The following KCNQ1 variants were observed in gnomAD, a reference collection of about 807,000 sequenced individuals.
KCNQ1 encodes potassium voltage-gated channel subfamily Q member 1.
Under a neutral mutation model 72.4 loss-of-function variants are expected in KCNQ1, and 49 were observed. The observed-to-expected ratio is 0.68, with a 90% CI of 0.54 to 0.86. The LOEUF is 0.86. Among genes scored for constraint, KCNQ1 ranks in the 40% least tolerant of loss-of-function variants. The pLI, the probability that KCNQ1 is intolerant of heterozygous loss-of-function variation, is 0.00. For missense variants in KCNQ1, 790 were observed against 945.1 expected, an observed-to-expected ratio of 0.84 and a Z score of 2.15; for synonymous variants, 450 against 412.6, an observed-to-expected ratio of 1.09 and a Z score of -1.10.
At chr11:2,706,120 G>T (rs529018675) in intron 11 of KCNQ1, among the ~76,000 whole-genome samples, 32 of 152,338 alleles carry the variant, frequency 2.1e-4, no homozygotes, top group African/African-American at 7.2e-4. Flanking sequence ...TGTCTACAAG[G>T]CCTTTGACAA....
At position 2,669,694 on chromosome 11, in the gene KCNQ1, T is replaced by G. The variant is rs1288513857; in HGVS notation, c.1514+7613T>G. On this transcript the variant is annotated intron_variant, in intron 11 of 15. Transcript: ENST00000155840. The surrounding 1 kb of genome is among the most constrained non-coding windows in gnomAD (Gnocchi z 5.6). ...AGTGTAAGGCCTTGAGGAGATGGTG[T>G]TAGGCATCCAGCCACATACCTGACT... The G allele has an allele frequency of 7.5e-6, 3 of 398,642 alleles. No homozygotes were observed. Among genetic ancestry groups the G allele is most frequent in the Non-Finnish European group, 8.8e-6 (2 of 226,080 alleles). 24.7% of individuals were successfully genotyped at this position (398,642 alleles called of 1,614,324 possible). A position where few individuals can be genotyped will look rare whatever the true frequency, so the allele number is the denominator to read the frequency against.
rs529091191 is a variant in KCNQ1, at chr11:2,743,573, A to T, written c.1515-25271A>T. ...GGGAAGGGAAGGGGCTCGAATCCCT[A>T]CGCCAGTCCCTGCATGGCCCTATGG... On this transcript the variant is annotated intron_variant, in intron 11 of 15. Coordinates refer to ENST00000155840, the MANE Select transcript of KCNQ1 (RefSeq NM_000218.3). 2.0e-5 allele frequency among the ~76,000 whole-genome samples: 3 copies of T among 152,212 alleles called. No individual in the cohort carries two copies. The South Asian group carries it at 6.2e-4, about 32-fold the overall frequency.
In KCNQ1 at chr11:2,654,929, A is replaced by G. The variant is rs1321493851; in HGVS notation, c.1394-7032A>G. On this transcript the variant is annotated intron_variant, in intron 10 of 15. Transcript: ENST00000155840. This position sits in a 1 kb window ranked among gnomAD's most constrained non-coding sequence, Gnocchi z 6.4. ...TCGTGGGCCAGAGAGCAAGGCACAG[A>G]TACAGGAGACTTCCACAAATTATTG... The G allele has an allele frequency of 5.0e-6, 2 of 398,524 alleles. No homozygotes were observed. Among genetic ancestry groups the G allele is most frequent in the Non-Finnish European group, 8.8e-6 (2 of 226,084 alleles). 24.7% of individuals were successfully genotyped at this position (398,524 alleles called of 1,614,324 possible). A position where few individuals can be genotyped will look rare whatever the true frequency, so the allele number is the denominator to read the frequency against.
rs1302426434 is a variant in KCNQ1 at position 2,579,326 on chromosome 11, G to A, written c.922-4109G>A. On this transcript the variant is annotated intron_variant, in intron 6 of 15. Transcript: ENST00000155840. The surrounding 1 kb of genome is among the most constrained non-coding windows in gnomAD (Gnocchi z 6.0). ...GAGTGAAGGCACAGGCCAGCAGGAG[G>A]GCGGGGGAAACACACTGACCAGTGG... Among the ~76,000 whole-genome samples, 9 of 152,218 alleles carry A rather than the reference G, an allele frequency of 5.9e-5. No individual in the cohort carries two copies. In the South Asian group the frequency reaches 1.7e-3, roughly 28 times the overall value.
At chr11:2,587,259 C>T (rs1848604902) in intron 8 of KCNQ1, among the ~76,000 whole-genome samples, 1 of 152,220 alleles carries the variant, frequency 6.6e-6, no homozygotes, top group Non-Finnish European at 1.5e-5. Context: ...ACCTGCCCAC[C>T]TTTGCAAGTC....
At chr11:2,694,829 C>T in intron 11 of KCNQ1, 1 of 398,588 alleles carries the variant, frequency 2.5e-6, no homozygotes. Flanking sequence ...AAGGGGATGA[C>T]AGATATGGCA....
At position 2,571,996 on chromosome 11, in the gene KCNQ1, C is replaced by T. The variant is rs1399659408; in HGVS notation, c.684-17C>T. On this transcript the variant is annotated splice_polypyrimidine_tract_variant and intron_variant, in intron 4 of 15. Coordinates refer to ENST00000155840, the MANE Select transcript of KCNQ1 (RefSeq NM_000218.3). The stretch of plus-strand genomic sequence containing the variant: ...GCCCAGCCTGGCTCCCTCAGCCCCA[C>T]ACCATCTCCTTCGCAGGGGCATCCG... 5.0e-6 allele frequency: 8 copies of T among 1,607,316 alleles called. No homozygotes were observed. Among genetic ancestry groups the T allele is most frequent in the Non-Finnish European group, 6.8e-6 (8 of 1,176,318 alleles).
intron 6 of KCNQ1, among the ~76,000 whole-genome samples, chr11:2,577,592 G>A (rs971134901): frequency 2.6e-5 from 4 of 152,210 alleles, no homozygotes; most frequent in African/African-American, 9.7e-5. Context: ...ATTGGTGTTC[G>A]TTTATTTACT....
intron 15 of KCNQ1, among the ~76,000 whole-genome samples, chr11:2,835,062 C>T (rs2521918): frequency 6.6e-6 from 1 of 152,074 alleles, no homozygotes; most frequent in African/African-American, 2.4e-5. Flanking sequence ...GGAGGGAGGG[C>T]GGCCCTGTCC....
chr11:2,569,892 T>C (rs953483652), intron 2 of KCNQ1, among the ~76,000 whole-genome samples: 1 of 152,210 alleles, frequency 6.6e-6, no homozygotes, highest in African/African-American at 2.4e-5. Context: ...GAGGGTCTTC[T>C]TCCCACTCCT....
At chr11:2,499,521 C>CCA in intron 1 of KCNQ1, among the ~76,000 whole-genome samples, 1 of 132,602 alleles carries the variant, frequency 7.5e-6, no homozygotes, top group East Asian at 2.4e-4. Context: ...GTTGAATGGA[C>CCA]CCCTGCCCCC....
In KCNQ1 at chr11:2,515,665, T is replaced by TA; in HGVS notation, c.387-12262dup. ...TCTCACAGAGACAAGACGAGTGTCC[T>TA]AGGGCAGATAGGGCCACATCCATGG... On this transcript the variant is annotated intron_variant, in intron 1 of 15. Coordinates refer to ENST00000155840, the MANE Select transcript of KCNQ1 (RefSeq NM_000218.3). The surrounding 1 kb of genome is among the most constrained non-coding windows in gnomAD (Gnocchi z 4.7). 6.6e-6 allele frequency among the ~76,000 whole-genome samples: 1 copy of TA among 152,222 alleles called. No homozygotes were observed. The highest frequency in any genetic ancestry group is 2.4e-5 in the African/African-American group (1 of 41,534).
At chr11:2,786,949 G>GTTTTTTTTTT (rs5789272) in intron 15 of KCNQ1, among the ~76,000 whole-genome samples, 3 of 120,334 alleles carry the variant, frequency 2.5e-5, no homozygotes, top group Non-Finnish European at 5.1e-5. Context: ...TTTCGTTTCT[G>GTTTTTTTTTT]TTTTTTTTTT....
At chr11:2,568,849 G>A (rs983136807) in intron 2 of KCNQ1, among the ~76,000 whole-genome samples, 4 of 152,118 alleles carry the variant, frequency 2.6e-5, no homozygotes, top group African/African-American at 9.7e-5. Flanking sequence ...GCCTGCAGGT[G>A]TCCACACCTT....
chr11:2,590,641 A>G (rs1468384153), intron 10 of KCNQ1, among the ~76,000 whole-genome samples: 1 of 152,196 alleles, frequency 6.6e-6, no homozygotes, highest in Non-Finnish European at 1.5e-5. Context: ...GTTCCTGCTT[A>G]CTTTGTCTCT....
intron 11 of KCNQ1, among the ~76,000 whole-genome samples, chr11:2,721,392 C>T (rs528959160): frequency 4.9e-4 from 75 of 152,322 alleles, no homozygotes; most frequent in African/African-American, 1.6e-3. Flanking sequence ...GTAGCGAGGC[C>T]GCTGTTCCCA....
rs1298390229 is a variant in KCNQ1 at position 2,703,775 on chromosome 11, G to A, written c.1514+41694G>A. ...GGATGTGTGGCAGGCCCTGGCCAAG[G>A]AGTTCTGTGGGCCTCAATTCTCTCC... On this transcript the variant is annotated intron_variant, in intron 11 of 15. Coordinates refer to ENST00000155840, the MANE Select transcript of KCNQ1 (RefSeq NM_000218.3). This position sits in a 1 kb window ranked among gnomAD's most constrained non-coding sequence, Gnocchi z 6.4. Among the ~76,000 whole-genome samples, 1 of 152,200 alleles carries A rather than the reference G, an allele frequency of 6.6e-6. No homozygotes were observed. Among genetic ancestry groups the A allele is most frequent in the East Asian group, 1.9e-4 (1 of 5,194 alleles).
At chr11:2,812,472 C>A (rs767510921) in intron 15 of KCNQ1, among the ~76,000 whole-genome samples, 1 of 152,194 alleles carries the variant, frequency 6.6e-6, no homozygotes, top group Non-Finnish European at 1.5e-5. Flanking sequence ...GCTCTGTGGC[C>A]CCTGATCTTC....
rs1215849141 is a variant in KCNQ1 at position 2,766,874 on chromosome 11, A to T, written c.1515-1970A>T. On this transcript the variant is annotated intron_variant, in intron 11 of 15. Coordinates refer to ENST00000155840, the MANE Select transcript of KCNQ1 (RefSeq NM_000218.3). The surrounding 1 kb of genome is among the most constrained non-coding windows in gnomAD (Gnocchi z 4.4). ...TGCGTAGCAAACTAGACCTAAATTT[A>T]GTGGCTTCAAATATTTTCTTTGGGC... is the stretch of plus-strand genomic sequence containing the variant. 6.6e-6 allele frequency among the ~76,000 whole-genome samples: 1 copy of T among 152,204 alleles called. No individual in the cohort carries two copies. The highest frequency in any genetic ancestry group is 2.4e-5 in the African/African-American group (1 of 41,446).
Sources: gnomAD v4.1 joint callset for allele counts (sites outside exome capture counted in the v4.1 genomes callset) on GRCh38, gnomAD v4.1.1 for gene constraint, Gnocchi (gnomAD v3.1) non-coding constraint, MANE v1.5 for transcripts, NCBI Gene and HGNC (gene_info 2026-07-23, HGNC 2026-07-21) for gene names.